Variants in PDSS2 observed in about 807,000 individuals in gnomAD.
PDSS2 encodes decaprenyl diphosphate synthase subunit 2, also known as all trans-polyprenyl-diphosphate synthase PDSS2.
Under a neutral mutation model 44.5 loss-of-function variants are expected in PDSS2, and 31 were observed. The observed-to-expected ratio is 0.70, with a 90% CI of 0.52 to 0.94. The LOEUF is 0.94. PDSS2 is among the 40% of genes least tolerant of loss of function. The pLI, the probability that PDSS2 is intolerant of heterozygous loss-of-function variation, is 0.00. For missense variants in PDSS2, 452 were observed against 482.2 expected (o/e 0.94, Z 0.59); for synonymous variants, 157 against 180.3 (o/e 0.87, Z 1.03).
chr6:107,443,674 C>T (rs538271671), intron 1 of PDSS2, among the ~76,000 whole-genome samples: 14 of 152,252 alleles, frequency 9.2e-5, no homozygotes, highest in Admixed American at 8.5e-4. Context: ...TGCAGTCTAC[C>T]CCACACTACA....
intron 7 of PDSS2, 140 bp downstream of exon 7, chr6:107,193,682 T>G: frequency 1.5e-6 from 1 of 684,732 alleles, no homozygotes; most frequent in South Asian, 1.6e-5. Flanking sequence ...TTATTCCACA[T>G]GCTATTGGCC....
At chr6:107,440,489 A>C (rs1420200259) in intron 1 of PDSS2, among the ~76,000 whole-genome samples, 3 of 152,246 alleles carry the variant, frequency 2.0e-5, no homozygotes, top group African/African-American at 7.2e-5. Flanking sequence ...GCTATAGAAC[A>C]CAGCTTATGA....
At position 107,261,727 on chromosome 6, in the gene PDSS2, G is replaced by C. The variant is rs538135204; in HGVS notation, c.630+12302C>G. Among the ~76,000 whole-genome samples the C allele has an allele frequency of 4.0e-5, 6 of 151,312 alleles. No individual in the cohort carries two copies. In the East Asian group the frequency reaches 1.2e-3, roughly 30 times the overall value. ...CGAGTAGCTGGGATTATAGGTGCCC[G>C]CCACCATGCCCGGCTAATTTTTTGT... On this transcript the variant is annotated intron_variant, in intron 3 of 7. Coordinates refer to ENST00000369037, the MANE Select transcript of PDSS2 (RefSeq NM_020381.4).
intron 4 of PDSS2, among the ~76,000 whole-genome samples, chr6:107,238,103 C>G (rs1774290750): frequency 6.6e-6 from 1 of 151,922 alleles, no homozygotes; most frequent in Non-Finnish European, 1.5e-5. Context: ...GAACTGGATT[C>G]TCTTTTAAAA....
chr6:107,345,678 T>A (rs1347240586), intron 1 of PDSS2, among the ~76,000 whole-genome samples: 1 of 152,030 alleles, frequency 6.6e-6, no homozygotes, highest in Non-Finnish European at 1.5e-5. Context: ...CAAAGTGAAA[T>A]ACATCATAGA....
At chr6:107,376,471 C>T (rs1779289366) in intron 1 of PDSS2, among the ~76,000 whole-genome samples, 1 of 152,126 alleles carries the variant, frequency 6.6e-6, no homozygotes, top group South Asian at 2.1e-4. Flanking sequence ...TTGAAGAGGT[C>T]CTTCACGTCC....
chr6:107,396,691 T>C (rs540694859), intron 1 of PDSS2, among the ~76,000 whole-genome samples: 20 of 144,620 alleles, frequency 1.4e-4, no homozygotes, highest in Non-Finnish European at 2.7e-4. Context: ...TTTTTTTTTT[T>C]TTTTTTTTTG....
chr6:107,341,357 G>A (rs2115286136), intron 1 of PDSS2, among the ~76,000 whole-genome samples: 1 of 152,228 alleles, frequency 6.6e-6, no homozygotes, highest in African/African-American at 2.4e-5. Flanking sequence ...GAAAGAAGGA[G>A]GAGAACTAAT....
chr6:107,427,432 T>C (rs1781040536), intron 1 of PDSS2, among the ~76,000 whole-genome samples: 1 of 152,100 alleles, frequency 6.6e-6, no homozygotes, highest in Admixed American at 6.6e-5. Flanking sequence ...TAGAGTCTTG[T>C]CCCTGATACT....
chr6:107,209,742 G>T (rs1395101758), intron 6 of PDSS2, among the ~76,000 whole-genome samples: 1 of 151,912 alleles, frequency 6.6e-6, no homozygotes, highest in African/African-American at 2.4e-5. Flanking sequence ...AAGGATGGTG[G>T]CTACCCCCAC....
intron 5 of PDSS2, among the ~76,000 whole-genome samples, chr6:107,210,882 G>A (rs1310296013): frequency 1.3e-5 from 2 of 151,450 alleles, no homozygotes; most frequent in South Asian, 2.1e-4. Flanking sequence ...ACACATTCCA[G>A]CTACTAGGGA....
chr6:107,173,016 G>C (rs1554249004), intron 7 of PDSS2, among the ~76,000 whole-genome samples: 1 of 151,040 alleles, frequency 6.6e-6, no homozygotes, highest in Non-Finnish European at 1.5e-5. Context: ...CCCAGCTACT[G>C]GGGAGGCTGA....
chr6:107,168,665 A>T (rs1771444188), intron 7 of PDSS2, among the ~76,000 whole-genome samples: 1 of 151,086 alleles, frequency 6.6e-6, no homozygotes, highest in Admixed American at 6.6e-5. Flanking sequence ...CTTTTAGGGC[A>T]GGCCTGGTGG....
intron 7 of PDSS2, among the ~76,000 whole-genome samples, chr6:107,165,696 G>A (rs1356521962): frequency 2.6e-5 from 4 of 151,872 alleles, no homozygotes; most frequent in African/African-American, 4.8e-5. Flanking sequence ...TTCCAATTCT[G>A]TGAAGAAAGT....
intron 7 of PDSS2, among the ~76,000 whole-genome samples, chr6:107,158,299 G>A (rs1397193831): frequency 6.7e-6 from 1 of 150,282 alleles, no homozygotes; most frequent in East Asian, 2.0e-4. Flanking sequence ...ATTTCTCTGC[G>A]TCAGCCTCCC....
intron 1 of PDSS2, among the ~76,000 whole-genome samples, chr6:107,448,246 T>C (rs565947988): frequency 6.6e-6 from 1 of 152,366 alleles, no homozygotes; most frequent in Admixed American, 6.5e-5. Flanking sequence ...TGCAAATTTG[T>C]GCAGCCAGCT....
At position 107,359,007 on chromosome 6, in the gene PDSS2, C is replaced by CTTTTTTTTTTTT. The variant is rs59632305; in HGVS notation, c.297-24687_297-24676dup. On this transcript the variant is annotated intron_variant, in intron 1 of 7. Transcript: ENST00000369037. Reference sequence around the variant, plus strand: ...AATCAGGAGCTTTAGCATTCTCGCTCTTTTTTTTTTTTTTTTTTTTTGAGA... The same window carrying CTTTTTTTTTTTT: ...AATCAGGAGCTTTAGCATTCTCGCTCTTTTTTTTTTTTTTTTTTTTTTTTTTTTTTTTTGAGA... 2.1e-5 allele frequency among the ~76,000 whole-genome samples: 2 copies of CTTTTTTTTTTTT among 93,060 alleles called. 1 individual carries two copies. The allele number at this position is 93,060 out of a possible 152,430, so 61.1% of individuals were successfully genotyped here.
intron 3 of PDSS2, among the ~76,000 whole-genome samples, chr6:107,269,120 T>C (rs1281109904): frequency 6.6e-6 from 1 of 151,938 alleles, no homozygotes; most frequent in Non-Finnish European, 1.5e-5. Context: ...CAGGGTTTCA[T>C]CATGTTGGTC....
At position 107,226,176 on chromosome 6, in the gene PDSS2, G is replaced by A. The variant is rs572239076; in HGVS notation, c.703-13894C>T. Reference sequence around the variant, plus strand: ...ACAAAAAAATTAGCTGGGCGTGGTAGCAGGCGCCTGTAGTCCCAGCTACTC... The same window carrying A: ...ACAAAAAAATTAGCTGGGCGTGGTAACAGGCGCCTGTAGTCCCAGCTACTC... On this transcript the variant is annotated intron_variant, in intron 4 of 7. Transcript: ENST00000369037. Among the ~76,000 whole-genome samples the A allele has an allele frequency of 7.8e-4, 119 of 152,280 alleles. 1 individual carries two copies. The highest frequency in any genetic ancestry group is 3.9e-4 in the East Asian group (2 of 5,184).
Sources: gnomAD v4.1 joint callset for allele counts (sites outside exome capture counted in the v4.1 genomes callset) on GRCh38, gnomAD v4.1.1 for gene constraint, MANE v1.5 for transcripts, NCBI Gene and HGNC (gene_info 2026-07-23, HGNC 2026-07-21) for gene names.